The following FREM2 variants were observed in gnomAD, a reference collection of about 807,000 sequenced individuals.
FREM2 encodes the protein FRAS1 related extracellular matrix 2.
FREM2 carries 119 observed loss-of-function variants against 219.9 expected under a neutral mutation model. The observed-to-expected ratio is 0.54, with a 90% confidence interval of 0.47 to 0.63. FREM2 has a LOEUF of 0.63. Among genes scored for constraint, FREM2 ranks in the 30% least tolerant of loss-of-function variants. The pLI is 0.00. For missense variants in FREM2, 4,030 were observed against 3,993.6 expected (o/e 1.01, Z -0.25); for synonymous variants, 1,562 against 1,522.8 (o/e 1.03, Z -0.60).
chr13:38,870,046 T>TATGAATATAATGTATAATATATG (rs1878106129), intron 16 of FREM2, among the ~76,000 whole-genome samples: 1 of 152,204 alleles, frequency 6.6e-6, no homozygotes, highest in Non-Finnish European at 1.5e-5. Context: ...AATTATAATG[T>TATGAATATAATGTATAATATATG]ACTTATCAGA....
Position 38,848,497 on chromosome 13 carries a change from A to T in FREM2, c.6206A>T (p.Asp2069Val). The change falls in exon 8 of 24, where the codon GAT (aspartate) becomes GTT (valine). Residue 2069 changes from aspartate to valine, a missense_variant. Around this residue, in one of 2 missense-constraint regions of FREM2, gnomAD observed 3,102 missense variants for 2,950.7 expected, o/e 1.05. Coordinates refer to ENST00000280481, the MANE Select transcript of FREM2 (RefSeq NM_207361.6). The part of the protein sequence containing the change: ...TDYVGISRNL[D>V]FAPGVNMQPV... ...TATGTGGGCATCAGCCGTAATTTAGATTTTGCACCTGGAGTCAACATGCAG... is the reference window on the plus strand; with the variant it reads ...TATGTGGGCATCAGCCGTAATTTAGTTTTTGCACCTGGAGTCAACATGCAG... 1 of 1,613,982 alleles carries T rather than the reference A, an allele frequency of 6.2e-7. No homozygotes were observed. Among genetic ancestry groups the T allele is most frequent in the South Asian group, 1.1e-5 (1 of 91,078 alleles).
rs1376730588 is a variant in FREM2, at chr13:38,859,602, C to T, written c.7519+12C>T. The T allele has an allele frequency of 5.0e-6, 8 of 1,611,436 alleles. No individual in the cohort carries two copies. The highest frequency in any genetic ancestry group is 5.9e-6 in the Non-Finnish European group (7 of 1,178,506). On this transcript the variant is annotated intron_variant, in intron 14 of 23. Transcript: ENST00000280481. ...CAGCAGAGAAGAAGGTCAGTCATTG[C>T]CATTTTCCCCTGAAGATCACTGGAA...
intron 14 of FREM2, among the ~76,000 whole-genome samples, chr13:38,860,849 T>C (rs1419555371): frequency 6.6e-6 from 1 of 152,192 alleles, no homozygotes; most frequent in Non-Finnish European, 1.5e-5. Context: ...TAAAATGGAT[T>C]ATAATGTATA....
Position 38,864,460 on chromosome 13 carries a change from C to G in FREM2, c.7837C>G (p.Gln2613Glu). 1 of 1,614,170 alleles carries G rather than the reference C, an allele frequency of 6.2e-7. No homozygotes were observed. Among genetic ancestry groups the G allele is most frequent in the South Asian group, 1.1e-5 (1 of 91,086 alleles). ...AATAATTGGAGAGACATATCCTTAC[C>G]AGTACAGCTTGTCCATCAGAGGTTC... ...PEIIGETYPY[Q>E]YSLSIRGSTT... The change falls in exon 16 of 24, where the codon CAG (glutamine) becomes GAG (glutamate). Residue 2613 changes from glutamine to glutamate, a missense_variant. Gln to Glu is a conservative substitution (Grantham distance 29). Transcript: ENST00000280481.
Position 38,764,221 on chromosome 13 carries a change from T to A in FREM2, c.5264-83T>A. 4.1e-6 allele frequency: 4 copies of A among 972,940 alleles called. 1 individual carries two copies. The Middle Eastern group carries it at 7.3e-4, about 179-fold the overall frequency. The allele number at this position is 972,940 out of a possible 1,614,324, so 60.3% of individuals were successfully genotyped here. A position where few individuals can be genotyped will look rare whatever the true frequency, so the allele number is the denominator to read the frequency against. Reference sequence around the variant, plus strand: ...GTAGCTGTATTGATTGTTAATGTTGTTTCATTAAAGTAATCTGTGGAATTT... The same window carrying A: ...GTAGCTGTATTGATTGTTAATGTTGATTCATTAAAGTAATCTGTGGAATTT... On this transcript the variant is annotated intron_variant, in intron 2 of 23. Coordinates refer to ENST00000280481, the MANE Select transcript of FREM2 (RefSeq NM_207361.6).
At chr13:38,740,326 C>T (rs755157430) in intron 2 of FREM2, among the ~76,000 whole-genome samples, 1 of 152,062 alleles carries the variant, frequency 6.6e-6, no homozygotes, top group African/African-American at 2.4e-5. Context: ...ACATTAAAGA[C>T]TTGTAATGAG....
At chr13:38,763,049 A>G (rs1347180544) in intron 2 of FREM2, among the ~76,000 whole-genome samples, 1 of 152,222 alleles carries the variant, frequency 6.6e-6, no homozygotes, top group African/African-American at 2.4e-5. Context: ...CTTCTCTTAA[A>G]GCAAAAATCC....
chr13:38,860,626 T>C (rs1261974831), intron 14 of FREM2, among the ~76,000 whole-genome samples: 1 of 152,232 alleles, frequency 6.6e-6, no homozygotes, highest in Admixed American at 6.5e-5. Context: ...CTTGCTATTC[T>C]AATACATATT....
chr13:38,735,405 G>C (rs1175582870), intron 2 of FREM2, among the ~76,000 whole-genome samples: 1 of 152,092 alleles, frequency 6.6e-6, no homozygotes, highest in East Asian at 1.9e-4. Flanking sequence ...ATTTGAAAGT[G>C]AAGTTCATTA....
intron 2 of FREM2, among the ~76,000 whole-genome samples, chr13:38,735,828 C>T (rs1320130228): frequency 1.1e-4 from 16 of 152,168 alleles, no homozygotes. Context: ...TTTCCTCTGC[C>T]TCCCTATCTG....
At chr13:38,849,899 A>G (rs1877303824) in intron 8 of FREM2, 139 bp from the exon 9 acceptor site, 4 of 743,770 alleles carry the variant, frequency 5.4e-6, no homozygotes, top group Non-Finnish European at 9.3e-6. Flanking sequence ...CAAGGTCAAA[A>G]TATTGGCAAG....
chr13:38,696,966 C>T (rs1218974449), intron 1 of FREM2, among the ~76,000 whole-genome samples: 1 of 151,838 alleles, frequency 6.6e-6, no homozygotes, highest in Non-Finnish European at 1.5e-5. Context: ...CACCACCACA[C>T]CCAGCCAATT....
chr13:38,794,631 T>C (rs962117753), intron 6 of FREM2, among the ~76,000 whole-genome samples: 13 of 152,160 alleles, frequency 8.5e-5, no homozygotes, highest in African/African-American at 3.1e-4. Context: ...GAAATGGGGA[T>C]ACTAGTTTTA....
At chr13:38,756,622 G>T (rs1873013587) in intron 2 of FREM2, among the ~76,000 whole-genome samples, 1 of 150,104 alleles carries the variant, frequency 6.7e-6, no homozygotes, top group Non-Finnish European at 1.5e-5. Flanking sequence ...CTGCCTCCCA[G>T]GTTCAAGCGA....
intron 2 of FREM2, among the ~76,000 whole-genome samples, chr13:38,761,053 A>C (rs554258310): frequency 4.9e-4 from 75 of 152,306 alleles, no homozygotes; most frequent in Non-Finnish European, 7.9e-4. Flanking sequence ...GTTAGAATCA[A>C]ATCTTAAAAT....
Position 38,881,062 on chromosome 13 carries a change from G to T in FREM2, c.*275G>T, listed in dbSNP as rs990893221. On this transcript the variant is annotated 3_prime_UTR_variant, in exon 24 of 24. Coordinates refer to ENST00000280481, the MANE Select transcript of FREM2 (RefSeq NM_207361.6). ...TGTGAGGAATGTACTCCTCATTTTA[G>T]ACATATTCTCTATGCAGTGGAGATA... is the stretch of plus-strand genomic sequence containing the variant. 5 of 511,742 alleles carry T rather than the reference G, an allele frequency of 9.8e-6. No individual in the cohort carries two copies. The highest frequency in any genetic ancestry group is 9.6e-5 in the African/African-American group (5 of 52,012). 31.7% of individuals were successfully genotyped at this position (511,742 alleles called of 1,614,324 possible).
chr13:38,841,248 C>T (rs1333509), intron 6 of FREM2, among the ~76,000 whole-genome samples: 21,523 of 152,136 alleles, frequency 0.14, 1,759 homozygotes, highest in Admixed American at 0.24. Context: ...CTGAAATGAG[C>T]TAAAATAATA....
At chr13:38,807,381 C>G (rs1385665133) in intron 6 of FREM2, among the ~76,000 whole-genome samples, 1 of 150,136 alleles carries the variant, frequency 6.7e-6, no homozygotes, top group African/African-American at 2.4e-5. Context: ...GCCACCACAC[C>G]CAGCAAATTA....
rs1286083285 is a variant in FREM2, at chr13:38,697,681, T to G, written c.5174-17T>G. On this transcript the variant is annotated splice_polypyrimidine_tract_variant and intron_variant, in intron 1 of 23. Coordinates refer to ENST00000280481, the MANE Select transcript of FREM2 (RefSeq NM_207361.6). ...TACTCTGGTAATTAATCATCTTGTT[T>G]TTTGGTTATTTTCTAGCTGACATTG... The G allele has an allele frequency of 7.0e-7, 1 of 1,434,958 alleles. No homozygotes were observed. The highest frequency in any genetic ancestry group is 1.1e-5 in the South Asian group (1 of 87,462). The allele number at this position is 1,434,958 out of a possible 1,614,324, so 88.9% of individuals were successfully genotyped here. A position where few individuals can be genotyped will look rare whatever the true frequency, so the allele number is the denominator to read the frequency against.
Sources: allele counts gnomAD v4.1 joint callset (sites outside exome capture counted in the v4.1 genomes callset), GRCh38; gene constraint gnomAD v4.1.1; regional missense constraint gnomAD v4.1.1; transcripts MANE v1.5; gene names NCBI Gene and HGNC (gene_info 2026-07-23, HGNC 2026-07-21).